Variants in EEF2K observed in about 807,000 individuals in gnomAD.
EEF2K encodes eukaryotic elongation factor 2 kinase.
In EEF2K, 70 loss-of-function variants were observed where a neutral mutation model predicts 93.8. The observed-to-expected ratio is 0.75, with a 90% CI of 0.62 to 0.91. The LOEUF (loss-of-function observed/expected upper bound fraction) is 0.91, where lower values mean the gene tolerates loss of function less well. EEF2K is among the 40% of genes least tolerant of loss of function. The pLI, the probability that EEF2K is intolerant of heterozygous loss-of-function variation, is 0.00. For synonymous variants in EEF2K, 376 were observed against 380.8 expected (o/e 0.99, Z 0.15); for missense variants, 935 against 972.9 (o/e 0.96, Z 0.52).
chr16:22,260,681 G>C, intron 11 of EEF2K, 152 bp downstream of exon 11: 1 of 936,506 alleles, frequency 1.1e-6, no homozygotes, highest in Non-Finnish European at 1.6e-6. Context: ...GGAGGATGCA[G>C]ATGAATGTCA....
intron 11 of EEF2K, among the ~76,000 whole-genome samples, chr16:22,262,789 T>C (rs986190212): frequency 1.3e-5 from 2 of 152,156 alleles, no homozygotes; most frequent in African/African-American, 4.8e-5. Context: ...GCCCAAGGTC[T>C]CAGCTGGCAA....
intron 3 of EEF2K, among the ~76,000 whole-genome samples, chr16:22,246,761 C>T (rs74487194): frequency 0.022 from 3,311 of 151,738 alleles, 138 homozygotes; most frequent in African/African-American, 0.075. Flanking sequence ...TAGAATTGGC[C>T]GGGTGCGATG....
intron 6 of EEF2K, among the ~76,000 whole-genome samples, chr16:22,254,988 T>C (rs1351616090): frequency 6.6e-6 from 1 of 152,148 alleles, no homozygotes; most frequent in Non-Finnish European, 1.5e-5. Context: ...GAGGAATTGC[T>C]TGAACCTGGG....
chr16:22,269,870 A>G (rs909169012), intron 15 of EEF2K, among the ~76,000 whole-genome samples: 2 of 151,822 alleles, frequency 1.3e-5, no homozygotes, highest in South Asian at 4.2e-4. Context: ...AGCATCCTAC[A>G]CACACACTCC....
intron 7 of EEF2K, 102 bp from the exon 8 acceptor site, chr16:22,257,151 C>G: frequency 6.4e-7 from 1 of 1,570,126 alleles, no homozygotes; most frequent in Non-Finnish European, 8.6e-7. Context: ...CTATATAACT[C>G]CTTGAAGAGA....
Position 22,285,625 on chromosome 16 carries a change from C to T in EEF2K, c.*1629C>T, listed in dbSNP as rs1364467744. The T allele has an allele frequency of 6.6e-6, 1 of 152,306 alleles. No homozygotes were observed. Among genetic ancestry groups the T allele is most frequent in the Non-Finnish European group, 1.5e-5 (1 of 68,018 alleles). 9.4% of individuals were successfully genotyped at this position (152,306 alleles called of 1,614,324 possible). On this transcript the variant is annotated 3_prime_UTR_variant, in exon 18 of 18. Transcript: ENST00000263026. ...CTTGAGCTCAGGACTTCAAGACCAG[C>T]CTGGGTAAACATGGCGAGACCCTGT...
At chr16:22,259,454 G>C (rs1389068643) in intron 10 of EEF2K, among the ~76,000 whole-genome samples, 1 of 152,132 alleles carries the variant, frequency 6.6e-6, no homozygotes, top group Non-Finnish European at 1.5e-5. Flanking sequence ...GAAGGTCTTT[G>C]GAATAGTCTG....
intron 15 of EEF2K, among the ~76,000 whole-genome samples, chr16:22,268,856 C>A (rs1197590543): frequency 6.6e-5 from 10 of 151,738 alleles, no homozygotes; most frequent in Non-Finnish European, 4.4e-5. Context: ...ACTTGGGAGG[C>A]TGAGGCAGGA....
chr16:22,284,237 G>A lies in EEF2K; in HGVS notation c.*241G>A. 1 of 485,742 alleles carries A rather than the reference G, an allele frequency of 2.1e-6. No individual in the cohort carries two copies. The highest frequency in any genetic ancestry group is 2.6e-5 in the South Asian group (1 of 37,966). 30.1% of individuals were successfully genotyped at this position (485,742 alleles called of 1,614,324 possible). On this transcript the variant is annotated 3_prime_UTR_variant, in exon 18 of 18. Transcript: ENST00000263026. ...TGGGGAAGTGGGGCTTGAAGAAGCA[G>A]CCTAATGAACCAACATACCGTTTTG...
At chr16:22,259,236 G>C (rs990257554) in intron 10 of EEF2K, among the ~76,000 whole-genome samples, 2 of 152,172 alleles carry the variant, frequency 1.3e-5, no homozygotes, top group Non-Finnish European at 2.9e-5. Context: ...AGAGTCTGTA[G>C]GAAAGGATAG....
In EEF2K at chr16:22,227,971, C is replaced by T. The variant is rs545474315; in HGVS notation, c.246+1996C>T. ...AAAAGAAAAAATGCTTACAGCCATC[C>T]TATGTAGTTACAGCTATGAAGGATA... On this transcript the variant is annotated intron_variant, in intron 2 of 17. Coordinates refer to ENST00000263026, the MANE Select transcript of EEF2K (RefSeq NM_013302.5). Among the ~76,000 whole-genome samples, 246 of 147,154 alleles carry T rather than the reference C, an allele frequency of 1.7e-3. 2 individuals are homozygous for T. Among genetic ancestry groups the T allele is most frequent in the African/African-American group, 6.0e-3 (241 of 40,112 alleles).
intron 9 of EEF2K, 64 bp downstream of exon 9, chr16:22,257,834 T>TG: frequency 6.3e-7 from 1 of 1,584,118 alleles, no homozygotes; most frequent in Admixed American, 1.7e-5. Context: ...AAGCAAGCCC[T>TG]GCTCCCCTGT....
chr16:22,260,901 T>G (rs138068520), intron 11 of EEF2K, among the ~76,000 whole-genome samples: 606 of 152,288 alleles, frequency 4.0e-3, no homozygotes, highest in Non-Finnish European at 7.0e-3. Flanking sequence ...CATAGCACAG[T>G]AAGCCATGTG....
chr16:22,211,526 C>A (rs559361880), intron 1 of EEF2K, among the ~76,000 whole-genome samples: 1 of 152,256 alleles, frequency 6.6e-6, no homozygotes, highest in African/African-American at 2.4e-5. Context: ...GTGGCACAAT[C>A]TTGGCTTACT....
chr16:22,249,382 TAGTGTAATATACAATATACACAGAAA>T (rs1027091962), intron 4 of EEF2K, among the ~76,000 whole-genome samples: 11 of 152,258 alleles, frequency 7.2e-5, no homozygotes, highest in Non-Finnish European at 1.5e-4. Context: ...AACTTTGTTT[TAGTGTAATATACAATATACACAGAAA>T]AGTGTACAGC....
At chr16:22,271,392 T>C (rs1490306406) in intron 15 of EEF2K, among the ~76,000 whole-genome samples, 1 of 152,082 alleles carries the variant, frequency 6.6e-6, no homozygotes, top group African/African-American at 2.4e-5. Flanking sequence ...ATTTTGCTAA[T>C]TTAAAGAATA....
At chr16:22,242,678 C>T (rs896022804) in intron 2 of EEF2K, among the ~76,000 whole-genome samples, 7 of 152,026 alleles carry the variant, frequency 4.6e-5, no homozygotes, top group African/African-American at 7.2e-5. Flanking sequence ...GTGGTGGGCA[C>T]TGCTGGCATA....
intron 2 of EEF2K, among the ~76,000 whole-genome samples, chr16:22,233,415 A>G (rs2047135429): frequency 1.3e-5 from 2 of 152,156 alleles, no homozygotes; most frequent in Middle Eastern, 6.8e-3. Flanking sequence ...GCACTGGCTC[A>G]TGTCTGTAAT....
intron 7 of EEF2K, 24 bp from the exon 8 acceptor site, chr16:22,257,229 C>T (rs759880972): frequency 1.5e-5 from 24 of 1,613,878 alleles, no homozygotes; most frequent in Non-Finnish European, 1.7e-5. Context: ...CTTGACATCT[C>T]GTTTTCCTTC....
Sources: allele counts gnomAD v4.1 joint callset (sites outside exome capture counted in the v4.1 genomes callset), GRCh38; gene constraint gnomAD v4.1.1; transcripts MANE v1.5; gene names NCBI Gene and HGNC (gene_info 2026-07-23, HGNC 2026-07-21).